DEPDC1: variants seen among roughly 807,000 people sequenced by gnomAD.
DEPDC1 encodes the protein DEP domain containing 1.
DEPDC1 carries 66 observed loss-of-function variants against 86.8 expected under a neutral mutation model. The observed-to-expected ratio is 0.76, with a 90% confidence interval of 0.62 to 0.93. The LOEUF (loss-of-function observed/expected upper bound fraction) is 0.93. Among genes scored for constraint, DEPDC1 ranks in the 40% least tolerant of loss-of-function variants. DEPDC1 has a pLI of 0.00. For missense variants in DEPDC1, 792 were observed against 935.7 expected (o/e 0.85, Z 2.00); for synonymous variants, 255 against 314.9 (o/e 0.81, Z 2.02).
rs750440720 is a variant in DEPDC1 at position 68,477,818 on chromosome 1, G to C, written c.2267C>G (p.Pro756Arg). 1 of 1,544,730 alleles carries C rather than the reference G, an allele frequency of 6.5e-7. No individual in the cohort carries two copies. The highest frequency in any genetic ancestry group is 8.7e-7 in the Non-Finnish European group (1 of 1,145,582). The change falls in exon 11 of 12, where the codon CCT (proline) becomes CGT (arginine). Residue 756 changes from proline (P) to arginine (R), a missense_variant. Physicochemically the swap from Pro to Arg is moderately radical, Grantham distance 103. Coordinates refer to ENST00000456315, the MANE Select transcript of DEPDC1 (RefSeq NM_001114120.3). ...LENIIKNRSL[P>R]LKEKRKKLKQ... ...TAGTTTTTTTCTTTTCTCCTTTAGA[G>C]GTAAACTCCTGTTTTTAATAATATT...
chr1:68,488,605 C>G, intron 4 of DEPDC1, 101 bp from the exon 5 acceptor site: 1 of 1,045,978 alleles, frequency 9.6e-7, no homozygotes, highest in South Asian at 1.7e-5. Context: ...ATTTTTTTAA[C>G]CAAATTTCTA....
At chr1:68,492,298 G>T (rs1473212343) in intron 2 of DEPDC1, among the ~76,000 whole-genome samples, 1 of 152,044 alleles carries the variant, frequency 6.6e-6, no homozygotes, top group African/African-American at 2.4e-5. Context: ...CATGAACAGG[G>T]TATCTTTCTC....
At chr1:68,492,952 A>C (rs1646239478) in intron 2 of DEPDC1, among the ~76,000 whole-genome samples, 1 of 152,202 alleles carries the variant, frequency 6.6e-6, no homozygotes, top group African/African-American at 2.4e-5. Flanking sequence ...GTTTATTTGA[A>C]GTGCCTTTCC....
At chr1:68,493,086 G>A (rs567438054) in intron 2 of DEPDC1, among the ~76,000 whole-genome samples, 1 of 152,294 alleles carries the variant, frequency 6.6e-6, no homozygotes, top group South Asian at 2.1e-4. Flanking sequence ...GTGAAGTAAG[G>A]ACAAGGGCAG....
chr1:68,484,546 C>T (rs1054496962), intron 6 of DEPDC1, among the ~76,000 whole-genome samples: 2 of 151,898 alleles, frequency 1.3e-5, no homozygotes, highest in African/African-American at 4.8e-5. Flanking sequence ...TTAAGCTTGA[C>T]ACAACTATTG....
chr1:68,494,429 C>T lies in DEPDC1; in HGVS notation c.314+1G>A, dbSNP rs1646250025. The stretch of plus-strand genomic sequence containing the variant: ...TTTACAGTTACATATCTGTTCATTA[C>T]CTGAAGAGCTGGTTGTTATCATCAA... On this transcript the variant is annotated splice_donor_variant, in intron 2 of 11. Coordinates refer to ENST00000456315, the MANE Select transcript of DEPDC1 (RefSeq NM_001114120.3). LOFTEE classifies it high-confidence loss of function. The T allele has an allele frequency of 1.9e-6, 3 of 1,612,050 alleles. No homozygotes were observed. The highest frequency in any genetic ancestry group is 1.7e-5 in the Admixed American group (1 of 59,898).
At chr1:68,478,446 ATTTT>A (rs34245196) in intron 10 of DEPDC1, among the ~76,000 whole-genome samples, 1 of 146,266 alleles carries the variant, frequency 6.8e-6, no homozygotes. Flanking sequence ...GTTTTCATGT[ATTTT>A]TTTTTTTTTT....
chr1:68,478,247 G>T (rs894516547), intron 10 of DEPDC1, among the ~76,000 whole-genome samples: 1 of 151,846 alleles, frequency 6.6e-6, no homozygotes, highest in African/African-American at 2.4e-5. Context: ...AAAATGTATA[G>T]AAAGGGCTCA....
Position 68,486,924 on chromosome 1 carries a change from AT to A in DEPDC1, c.769+12del. On this transcript the variant is annotated intron_variant, in intron 6 of 11. Transcript: ENST00000456315. ...CACACACACACACACACACACACAT[AT>A]ATTTAACTTACAATTTGCTAGGCAC... The A allele has an allele frequency of 6.3e-7, 1 of 1,586,878 alleles. No individual in the cohort carries two copies. Among genetic ancestry groups the A allele is most frequent in the Admixed American group, 1.8e-5 (1 of 55,526 alleles).
At position 68,492,559 on chromosome 1, in the gene DEPDC1, T is replaced by C. The variant is rs576037206; in HGVS notation, c.314+1871A>G. Among the ~76,000 whole-genome samples the C allele has an allele frequency of 2.6e-5, 4 of 151,786 alleles. No homozygotes were observed. The South Asian group carries it at 8.3e-4, about 32-fold the overall frequency. On this transcript the variant is annotated intron_variant, in intron 2 of 11. Coordinates refer to ENST00000456315, the MANE Select transcript of DEPDC1 (RefSeq NM_001114120.3). ...CCGTGTCCACAAAAAATTCAAAAATTAGCTGGGCGTGGTGGTGTGTGCCTG... is the reference window on the plus strand; with the variant it reads ...CCGTGTCCACAAAAAATTCAAAAATCAGCTGGGCGTGGTGGTGTGTGCCTG...
chr1:68,488,253 T>A, intron 5 of DEPDC1, 121 bp downstream of exon 5: 1 of 834,810 alleles, frequency 1.2e-6, no homozygotes, highest in Non-Finnish European at 1.7e-6. Flanking sequence ...GAACTTATGA[T>A]AGCCCCTCTG....
chr1:68,479,909 G>T lies in DEPDC1; in HGVS notation c.1936-589C>A, dbSNP rs368060584. On this transcript the variant is annotated intron_variant, in intron 9 of 11. Transcript: ENST00000456315. The stretch of plus-strand genomic sequence containing the variant: ...ACAATTTTATCAGTAAACACCATAG[G>T]TTCTATTAATACCACATATATATGT... 4.5e-4 allele frequency among the ~76,000 whole-genome samples: 69 copies of T among 151,792 alleles called. 1 individual carries two copies. Among genetic ancestry groups the T allele is most frequent in the African/African-American group, 1.5e-3 (63 of 41,388 alleles).
chr1:68,494,619 T>C lies in DEPDC1; in HGVS notation c.125A>G (p.Asn42Ser), dbSNP rs752796162. ...CACTGCTTCTCCTGCTGTGAAACAA[T>C]TGCCATATTTTTTAAAGTGTTGTCT... ...KHRQHFKKYG[N>S]CFTAGEAVDW... The change falls in exon 2 of 12, where the codon AAT becomes AGT. Residue 42 changes from asparagine (N) to serine (S), a missense_variant. Transcript: ENST00000456315. The C allele has an allele frequency of 5.6e-6, 9 of 1,613,686 alleles. No individual in the cohort carries two copies. The highest frequency in any genetic ancestry group is 2.7e-5 in the African/African-American group (2 of 74,924).
chr1:68,489,576 G>C lies in DEPDC1; in HGVS notation c.347C>G (p.Pro116Arg). The C allele has an allele frequency of 1.3e-6, 2 of 1,539,746 alleles. No homozygotes were observed. Among genetic ancestry groups the C allele is most frequent in the Non-Finnish European group, 1.7e-6 (2 of 1,154,124 alleles). Residue 116 changes from proline to arginine, a missense_variant, in exon 3 of 12, where the codon CCA (proline) becomes CGA (arginine). Physicochemically the swap from Pro to Arg is moderately radical, Grantham distance 103. Coordinates refer to ENST00000456315, the MANE Select transcript of DEPDC1 (RefSeq NM_001114120.3). Reference protein sequence around the residue: ...FPATSPLKTLPRRYPELRKNN... With the variant: ...FPATSPLKTLRRRYPELRKNN... ...TTTTCTCAATTCTGGATACCTTCGT[G>C]GTAGAGTTTTAAGTGGCGAAGTTGC...
Position 68,481,549 on chromosome 1 carries a change from AG to A in DEPDC1, c.1825del (p.Leu609PhefsTer12), listed in dbSNP as rs1646155542. The A allele has an allele frequency of 6.2e-7, 1 of 1,611,950 alleles. No homozygotes were observed. Among genetic ancestry groups the A allele is most frequent in the African/African-American group, 1.3e-5 (1 of 74,806 alleles). On this transcript the variant is annotated frameshift_variant, in exon 9 of 12. Coordinates refer to ENST00000456315, the MANE Select transcript of DEPDC1 (RefSeq NM_001114120.3). LOFTEE classifies it high-confidence loss of function. ...AAGCTTTCTACGATTTGGTGGGGGA[AG>A]TAACAAACAACATAACTGTAGAGCA... ...IDALQLCCLL[L>X]PPPNRRKLQL...
At position 68,476,786 on chromosome 1, in the gene DEPDC1, G is replaced by C. The variant is rs1333568298; in HGVS notation, c.*146C>G. 3.2e-6 allele frequency: 2 copies of C among 632,758 alleles called. No homozygotes were observed. Among genetic ancestry groups the C allele is most frequent in the Non-Finnish European group, 5.1e-6 (2 of 391,210 alleles). The allele number at this position is 632,758 out of a possible 1,614,324, so 39.2% of individuals were successfully genotyped here. A position where few individuals can be genotyped will look rare whatever the true frequency, so the allele number is the denominator to read the frequency against. ...GTTAGTTTCCTAAGAGTCTCACATT[G>C]ATAACTATTTTGGCACTTCCTTACA... On this transcript the variant is annotated 3_prime_UTR_variant, in exon 12 of 12. Coordinates refer to ENST00000456315, the MANE Select transcript of DEPDC1 (RefSeq NM_001114120.3).
In DEPDC1 at chr1:68,484,074, A is replaced by G. The variant is rs1408805297; in HGVS notation, c.786T>C (p.Asp262=). The change falls in exon 7 of 12, where the codon GAT becomes GAC. Residue 262 remains aspartate, a synonymous_variant. Coordinates refer to ENST00000456315, the MANE Select transcript of DEPDC1 (RefSeq NM_001114120.3). ...KCLANWPRSN[D]MNNPTYVGFE... ...ATCCAACATAAGTTGGATTATTCAT[A>G]TCATTGCTTCTTGGCCCTAAGAAGT... 2 of 1,571,914 alleles carry G rather than the reference A, an allele frequency of 1.3e-6. No homozygotes were observed. The highest frequency in any genetic ancestry group is 1.7e-6 in the Non-Finnish European group (2 of 1,165,426).
At chr1:68,478,021 A>G (rs780266846) in intron 10 of DEPDC1, 49 bp from the exon 11 acceptor site, 4 of 1,329,924 alleles carry the variant, frequency 3.0e-6, no homozygotes, top group Non-Finnish European at 4.0e-6. Flanking sequence ...TCATGTTCTT[A>G]TATGATAAAG....
chr1:68,480,624 A>G (rs1309770997), intron 9 of DEPDC1, among the ~76,000 whole-genome samples: 1 of 151,974 alleles, frequency 6.6e-6, no homozygotes, highest in African/African-American at 2.4e-5. Flanking sequence ...TCAAATCTTA[A>G]AAGTGCAAAA....
Sources: gnomAD v4.1 joint callset for allele counts (sites outside exome capture counted in the v4.1 genomes callset) on GRCh38, gnomAD v4.1.1 for gene constraint, MANE v1.5 for transcripts, NCBI Gene and HGNC (gene_info 2026-07-23, HGNC 2026-07-21) for gene names.